The following TNFAIP6 variants were observed in gnomAD, a reference collection of about 807,000 sequenced individuals.
TNFAIP6 encodes the protein tumor necrosis factor-inducible gene 6 protein.
Under a neutral mutation model 33.7 loss-of-function variants are expected in TNFAIP6, and 36 were observed. The ratio of observed to expected loss-of-function variants is 1.07; its 90% CI spans 0.82 to 1.41. The LOEUF (loss-of-function observed/expected upper bound fraction) is 1.41. Among genes scored for constraint, TNFAIP6 ranks in the 40% most tolerant of loss-of-function variants. The pLI is 0.00. For synonymous variants in TNFAIP6, 113 were observed against 112.8 expected, an observed-to-expected ratio of 1.00 and a Z score of -0.01; for missense variants, 273 against 331.9, an observed-to-expected ratio of 0.82 and a Z score of 1.38.
chr2:151,359,386 A>AT (rs35150597), intron 1 of TNFAIP6, among the ~76,000 whole-genome samples: 28,128 of 129,994 alleles, frequency 0.22, 3,520 homozygotes, highest in South Asian at 0.31. Flanking sequence ...GCAACTCATA[A>AT]TTTTTTTTTT....
intron 1 of TNFAIP6, 147 bp downstream of exon 1, chr2:151,357,907 A>G (rs1573776232): frequency 4.1e-6 from 2 of 487,030 alleles, no homozygotes; most frequent in East Asian, 6.3e-5. Context: ...TTTGGAATAC[A>G]TACGCTTTTT....
intron 5 of TNFAIP6, among the ~76,000 whole-genome samples, chr2:151,375,841 G>A (rs1468019860): frequency 6.6e-6 from 1 of 152,210 alleles, no homozygotes; most frequent in African/African-American, 2.4e-5. Context: ...GGCCAAGCAT[G>A]GTAGCTCGTG....
Position 151,379,356 on chromosome 2 carries a change from C to A in TNFAIP6, c.665-8C>A. 1 of 1,575,084 alleles carries A rather than the reference C, an allele frequency of 6.3e-7. No homozygotes were observed. Among genetic ancestry groups the A allele is most frequent in the Non-Finnish European group, 8.6e-7 (1 of 1,167,062 alleles). On this transcript the variant is annotated splice_region_variant and splice_polypyrimidine_tract_variant and intron_variant, in intron 5 of 5. Coordinates refer to ENST00000243347, the MANE Select transcript of TNFAIP6 (RefSeq NM_007115.4). ...ATCTTTGTTCTTTTGCCTCCTTCCC[C>A]GCAACAGGAAATGTCATGACCTTGA...
chr2:151,363,494 TTAAA>T (rs1340347590), intron 1 of TNFAIP6, among the ~76,000 whole-genome samples: 19 of 22,224 alleles, frequency 8.5e-4, no homozygotes, highest in African/African-American at 1.6e-3. Context: ...TGTCGCTACT[TTAAA>T]AAAAAAAAAA....
chr2:151,374,875 C>T (rs1204968292), intron 5 of TNFAIP6, among the ~76,000 whole-genome samples: 1 of 152,050 alleles, frequency 6.6e-6, no homozygotes, highest in African/African-American at 2.4e-5. Context: ...TCTGTAATCC[C>T]AGCACTTTGG....
At chr2:151,363,833 C>A in intron 1 of TNFAIP6, 110 bp from the exon 2 acceptor site, 2 of 1,363,342 alleles carry the variant, frequency 1.5e-6, no homozygotes, top group Non-Finnish European at 9.8e-7. Context: ...ACCCAGAAAG[C>A]CCTTTGGCAG....
intron 3 of TNFAIP6, 72 bp from the exon 4 acceptor site, chr2:151,369,948 T>C: frequency 1.7e-6 from 2 of 1,162,850 alleles, no homozygotes; most frequent in East Asian, 2.4e-5. Context: ...TGCTAAGAAA[T>C]GTCATTTTTA....
Position 151,378,992 on chromosome 2 carries a change from C to T in TNFAIP6, c.665-372C>T, listed in dbSNP as rs188508844. Among the ~76,000 whole-genome samples, 1,203 of 151,922 alleles carry T rather than the reference C, an allele frequency of 7.9e-3. 19 individuals are homozygous for T. The highest frequency in any genetic ancestry group is 0.028 in the African/African-American group (1,149 of 41,504). ...GTGCGTGCCTTTAATCCCAGCTACT[C>T]GGGAGGCTGAGGCAGGAGAATCGCT... On this transcript the variant is annotated intron_variant, in intron 5 of 5. Coordinates refer to ENST00000243347, the MANE Select transcript of TNFAIP6 (RefSeq NM_007115.4).
In TNFAIP6 at chr2:151,364,037, C is replaced by A. The variant is rs1667459720; in HGVS notation, c.189C>A (p.Gly63=). The change falls in exon 2 of 6, where the codon GGC becomes GGA. Residue 63 remains glycine, a synonymous_variant. Coordinates refer to ENST00000243347, the MANE Select transcript of TNFAIP6 (RefSeq NM_007115.4). ...EAKAVCEFEG[G]HLATYKQLEA... ...AGGCGGTGTGTGAATTTGAAGGCGG[C>A]CATCTCGCAACTTACAAGCAGCTAG... 1 of 1,613,970 alleles carries A rather than the reference C, an allele frequency of 6.2e-7. No individual in the cohort carries two copies.
Position 151,357,604 on chromosome 2 carries a change from G to A in TNFAIP6, c.-63G>A. The A allele has an allele frequency of 9.9e-7, 1 of 1,011,218 alleles. No homozygotes were observed. Among genetic ancestry groups the A allele is most frequent in the Non-Finnish European group, 1.6e-6 (1 of 636,318 alleles). The allele number at this position is 1,011,218 out of a possible 1,614,324, so 62.6% of individuals were successfully genotyped here. A position where few individuals can be genotyped will look rare whatever the true frequency, so the allele number is the denominator to read the frequency against. On this transcript the variant is annotated 5_prime_UTR_variant, in exon 1 of 6. Coordinates refer to ENST00000243347, the MANE Select transcript of TNFAIP6 (RefSeq NM_007115.4). Reference sequence around the variant, plus strand: ...AACCAGATGTTTCAGTCACATTTCAGCCACTGCTCTGAGAATTTGTGAGCA... The same window carrying A: ...AACCAGATGTTTCAGTCACATTTCAACCACTGCTCTGAGAATTTGTGAGCA...
At chr2:151,359,454 T>C (rs894965584) in intron 1 of TNFAIP6, among the ~76,000 whole-genome samples, 1 of 147,932 alleles carries the variant, frequency 6.8e-6, no homozygotes, top group Non-Finnish European at 1.5e-5. Context: ...AGTGGCACCA[T>C]CTCGGCTCAC....
In TNFAIP6 at chr2:151,379,502, A is replaced by T. The variant is rs768628817; in HGVS notation, c.803A>T (p.Asn268Ile). 3.8e-6 allele frequency: 6 copies of T among 1,579,120 alleles called. No individual in the cohort carries two copies. The South Asian group carries it at 5.9e-5, about 16-fold the overall frequency. Residue 268 changes from asparagine to isoleucine, a missense_variant, in exon 6 of 6, where the codon AAC becomes ATC. Transcript: ENST00000243347. The part of the protein sequence containing the change: ...NTSTTSTGNK[N>I]FLAGRFSHL ...AGTACTACTTCTACTGGAAATAAAA[A>T]CTTTTTAGCTGGAAGATTTAGCCAC...
At chr2:151,374,425 G>T (rs1684868265) in intron 5 of TNFAIP6, among the ~76,000 whole-genome samples, 1 of 152,234 alleles carries the variant, frequency 6.6e-6, no homozygotes, top group East Asian at 1.9e-4. Flanking sequence ...ACCAGCAGCT[G>T]GCATTTTTAA....
rs767007737 is a variant in TNFAIP6 at position 151,379,317 on chromosome 2, C to A, written c.665-47C>A. ...AGAGTCTTTGAATTGTCAGCCAAAT[C>A]AAAGGAGAGTAACATCTTTGTTCTT... On this transcript the variant is annotated intron_variant, in intron 5 of 5. Coordinates refer to ENST00000243347, the MANE Select transcript of TNFAIP6 (RefSeq NM_007115.4). 13 of 1,523,524 alleles carry A rather than the reference C, an allele frequency of 8.5e-6. No individual in the cohort carries two copies. In the South Asian group the frequency reaches 1.5e-4, roughly 18 times the overall value. 94.4% of individuals were successfully genotyped at this position (1,523,524 alleles called of 1,614,324 possible).
chr2:151,371,858 G>C (rs983442602), intron 4 of TNFAIP6: 1 of 152,304 alleles, frequency 6.6e-6, no homozygotes, highest in African/African-American at 2.4e-5. Context: ...GCCTTCTAAA[G>C]TGCTGGGATT....
intron 3 of TNFAIP6, among the ~76,000 whole-genome samples, chr2:151,368,146 A>G (rs3771899): frequency 0.028 from 4,187 of 151,954 alleles, 160 homozygotes; most frequent in African/African-American, 0.085. Flanking sequence ...TGTGTTGTAT[A>G]TTTTATTATA....
intron 2 of TNFAIP6, among the ~76,000 whole-genome samples, chr2:151,365,329 C>A (rs1334573789): frequency 6.6e-6 from 1 of 151,308 alleles, no homozygotes; most frequent in African/African-American, 2.4e-5. Context: ...GATGACAGAG[C>A]AAGACCATGT....
chr2:151,373,420 A>G lies in TNFAIP6; in HGVS notation c.624-129A>G, dbSNP rs1684848936. The G allele has an allele frequency of 2.9e-5, 13 of 451,402 alleles. No homozygotes were observed. In the South Asian group the frequency reaches 9.1e-4, roughly 32 times the overall value. 28.0% of individuals were successfully genotyped at this position (451,402 alleles called of 1,614,324 possible). A position where few individuals can be genotyped will look rare whatever the true frequency, so the allele number is the denominator to read the frequency against. ...CTCTCTTACAAATCCAGGTAAAATA[A>G]CAATAGAAATTTTAAAAATTATGGA... On this transcript the variant is annotated intron_variant, in intron 4 of 5. Transcript: ENST00000243347.
At chr2:151,376,000 T>C (rs1418389592) in intron 5 of TNFAIP6, among the ~76,000 whole-genome samples, 1 of 152,072 alleles carries the variant, frequency 6.6e-6, no homozygotes, top group Non-Finnish European at 1.5e-5. Context: ...AATTCTAGCA[T>C]TTTGTGAGGC....
Sources: gnomAD v4.1 joint callset for allele counts (sites outside exome capture counted in the v4.1 genomes callset) on GRCh38, gnomAD v4.1.1 for gene constraint, MANE v1.5 for transcripts, NCBI Gene and HGNC (gene_info 2026-07-23, HGNC 2026-07-21) for gene names.